Variants in WDR49 observed in about 807,000 individuals in gnomAD.
The protein encoded by WDR49 is cilia- and flagella-associated protein 337.
A neutral mutation model predicts 119.5 loss-of-function variants in WDR49; 107 were observed. That is an observed-to-expected ratio of 0.90 (90% CI 0.77 to 1.05). WDR49 has a LOEUF of 1.05. Among genes scored for constraint, WDR49 ranks in the 50% least tolerant of loss-of-function variants. WDR49 has a pLI of 0.00. For synonymous variants in WDR49, 425 were observed against 418.8 expected, an observed-to-expected ratio of 1.01 and a Z score of -0.18; for missense variants, 1,240 against 1,220.5, an observed-to-expected ratio of 1.02 and a Z score of -0.24.
Position 167,505,362 on chromosome 3 carries a change from G to T in WDR49, c.2829C>A (p.Thr943=). The stretch of plus-strand genomic sequence containing the variant: ...AAGGTTTTTGTGTTTCTTTCATGCA[G>T]GTACTTCTTTCCTTATATTTTATAT... ...NLDIKYKERS[T]CMKETQKPYY... Residue 943 remains threonine (T), a synonymous_variant, in exon 17 of 19, where the codon ACC becomes ACA. Coordinates refer to ENST00000682715, the MANE Select transcript of WDR49 (RefSeq NM_001366157.1). 2 of 1,530,192 alleles carry T rather than the reference G, an allele frequency of 1.3e-6. No individual in the cohort carries two copies. Among genetic ancestry groups the T allele is most frequent in the African/African-American group, 1.4e-5 (1 of 70,530 alleles). 94.8% of individuals were successfully genotyped at this position (1,530,192 alleles called of 1,614,324 possible). A position where few individuals can be genotyped will look rare whatever the true frequency, so the allele number is the denominator to read the frequency against.
chr3:167,637,071 C>T (rs1426079915), intron 2 of WDR49, among the ~76,000 whole-genome samples: 1 of 151,794 alleles, frequency 6.6e-6, no homozygotes, highest in Non-Finnish European at 1.5e-5. Context: ...CTTGCCTAAG[C>T]CAACCTCTAG....
chr3:167,559,005 A>T (rs1000979849), intron 9 of WDR49, among the ~76,000 whole-genome samples: 1 of 152,174 alleles, frequency 6.6e-6, no homozygotes, highest in Non-Finnish European at 1.5e-5. Context: ...CCTGTAAACT[A>T]GATTACTTTA....
chr3:167,561,735 A>G (rs1488426936), intron 8 of WDR49, among the ~76,000 whole-genome samples: 1 of 152,072 alleles, frequency 6.6e-6, no homozygotes, highest in Non-Finnish European at 1.5e-5. Flanking sequence ...ATCTCATTTG[A>G]TCTTTATGAA....
At chr3:167,481,619 C>T (rs1056169054) in intron 18 of WDR49, among the ~76,000 whole-genome samples, 2 of 152,076 alleles carry the variant, frequency 1.3e-5, no homozygotes, top group African/African-American at 4.8e-5. Flanking sequence ...AAGACACACC[C>T]GAAACTGGGG....
chr3:167,594,171 T>A (rs1715288020), intron 7 of WDR49, among the ~76,000 whole-genome samples: 1 of 152,158 alleles, frequency 6.6e-6, no homozygotes, highest in South Asian at 2.1e-4. Context: ...GGAAGCAACA[T>A]TGGAACTGGG....
intron 5 of WDR49, among the ~76,000 whole-genome samples, chr3:167,606,745 T>C (rs1264240677): frequency 3.3e-5 from 5 of 152,180 alleles, no homozygotes; most frequent in Non-Finnish European, 5.9e-5. Flanking sequence ...TTCTCCACTC[T>C]GCCTAGAATT....
chr3:167,561,568 GA>G (rs1456868703), intron 8 of WDR49, among the ~76,000 whole-genome samples: 6 of 152,146 alleles, frequency 3.9e-5, no homozygotes, highest in African/African-American at 7.2e-5. Flanking sequence ...GTACAGAGTG[GA>G]AAACCTGAAA....
intron 10 of WDR49, 50 bp from the exon 11 acceptor site, chr3:167,537,050 C>T (rs1388368764): frequency 6.7e-7 from 1 of 1,501,248 alleles, no homozygotes; most frequent in Non-Finnish European, 8.9e-7. Context: ...TTGATGTAGA[C>T]ATTGAGTAGC....
chr3:167,572,899 T>C (rs769343879), intron 8 of WDR49, among the ~76,000 whole-genome samples: 7 of 152,126 alleles, frequency 4.6e-5, no homozygotes, highest in Non-Finnish European at 1.0e-4. Context: ...GATAAACAAC[T>C]TTCCCACCTC....
intron 5 of WDR49, among the ~76,000 whole-genome samples, chr3:167,605,681 G>A (rs1311285738): frequency 6.6e-6 from 1 of 152,178 alleles, no homozygotes; most frequent in African/African-American, 2.4e-5. Flanking sequence ...TTTGTTGAAC[G>A]TTGACAAAAA....
Position 167,620,342 on chromosome 3 carries a change from G to A in WDR49, c.958+87C>T, listed in dbSNP as rs549400938. On this transcript the variant is annotated intron_variant, in intron 5 of 18. Transcript: ENST00000682715. ...CCAATTATTGGTTTCTAGACTTAAA[G>A]GTTTTGTGTGAAGCATTTTCATCAA... The A allele has an allele frequency of 3.3e-5, 44 of 1,348,750 alleles. 1 individual carries two copies. In the South Asian group the frequency reaches 7.2e-4, roughly 22 times the overall value. The allele number at this position is 1,348,750 out of a possible 1,614,324, so 83.5% of individuals were successfully genotyped here. A position where few individuals can be genotyped will look rare whatever the true frequency, so the allele number is the denominator to read the frequency against.
intron 18 of WDR49, among the ~76,000 whole-genome samples, chr3:167,485,120 A>C (rs34403446): frequency 0.33 from 49,433 of 151,860 alleles, 8,252 homozygotes; most frequent in East Asian, 0.48. Context: ...ACATGTTCTC[A>C]CTCATAAGTC....
chr3:167,610,978 G>A (rs1288460985), intron 5 of WDR49, among the ~76,000 whole-genome samples: 1 of 152,100 alleles, frequency 6.6e-6, no homozygotes, highest in African/African-American at 2.4e-5. Flanking sequence ...AAGGACAATG[G>A]GCAATGAATA....
intron 5 of WDR49, among the ~76,000 whole-genome samples, chr3:167,612,033 A>G (rs1716363650): frequency 6.6e-6 from 1 of 152,214 alleles, no homozygotes. Flanking sequence ...CAGAATACAC[A>G]TTCTTTTCCT....
At chr3:167,649,203 A>C (rs1718263031) in intron 2 of WDR49, among the ~76,000 whole-genome samples, 1 of 152,114 alleles carries the variant, frequency 6.6e-6, no homozygotes, top group Admixed American at 6.5e-5. Flanking sequence ...AGACCTGTTC[A>C]TTTGGGTACC....
At position 167,621,573 on chromosome 3, in the gene WDR49, T is replaced by C; in HGVS notation, c.677A>G (p.Gln226Arg). 2 of 1,535,518 alleles carry C rather than the reference T, an allele frequency of 1.3e-6. No homozygotes were observed. Among genetic ancestry groups the C allele is most frequent in the Non-Finnish European group, 1.7e-6 (2 of 1,146,444 alleles). Residue 226 changes from glutamine to arginine, a missense_variant, in exon 4 of 19, where the codon CAA (glutamine) becomes CGA (arginine). Coordinates refer to ENST00000682715, the MANE Select transcript of WDR49 (RefSeq NM_001366157.1). ...DLLSKEEFAC[Q>R]YKLQGLKGTP... ...TCCTTTCAGGCCTTGGAGTTTGTAT[T>C]GGCAAGCAAATTCTTCTTTGGACAG...
chr3:167,559,876 T>C (rs1480796531), intron 9 of WDR49, among the ~76,000 whole-genome samples, 188 bp downstream of exon 9: 4 of 152,214 alleles, frequency 2.6e-5, no homozygotes, highest in Non-Finnish European at 5.9e-5. Flanking sequence ...TATTTATTCA[T>C]TTTTCCACAG....
chr3:167,645,504 C>T (rs1408338653), intron 2 of WDR49, among the ~76,000 whole-genome samples: 1 of 152,106 alleles, frequency 6.6e-6, no homozygotes, highest in African/African-American at 2.4e-5. Flanking sequence ...AGTCACCATG[C>T]CCAGTCTTAT....
chr3:167,531,846 G>GA (rs1173651468), intron 12 of WDR49, among the ~76,000 whole-genome samples: 1 of 152,078 alleles, frequency 6.6e-6, no homozygotes, highest in Non-Finnish European at 1.5e-5. Flanking sequence ...CCATAGTTAT[G>GA]AAAAATCTAT....
Sources: gnomAD v4.1 joint callset for allele counts (sites outside exome capture counted in the v4.1 genomes callset) on GRCh38, gnomAD v4.1.1 for gene constraint, MANE v1.5 for transcripts, NCBI Gene and HGNC (gene_info 2026-07-23, HGNC 2026-07-21) for gene names.